MEPE: variants seen among roughly 807,000 people sequenced by gnomAD.
The protein encoded by MEPE is matrix, extracellular phosphoglycoprotein with ASARM motif (bone).
In MEPE, 7 loss-of-function variants were observed where a neutral mutation model predicts 7.3. The ratio of observed to expected loss-of-function variants is 0.95; its 90% CI spans 0.54 to 1.79. The LOEUF is 1.79. Ranked by LOEUF, MEPE falls within the 40% of genes most tolerant of loss-of-function variation. The pLI is 0.00. For missense variants in MEPE, 623 were observed against 628.2 expected, an observed-to-expected ratio of 0.99 and a Z score of 0.09; for synonymous variants, 214 against 213.1, an observed-to-expected ratio of 1.00 and a Z score of -0.04.
At position 87,845,982 on chromosome 4, in the gene MEPE, T is replaced by C. The variant is rs1723232426; in HGVS notation, c.1114T>C (p.Phe372Leu). The change falls in exon 4 of 4, where the codon TTT becomes CTT. Residue 372 changes from phenylalanine to leucine, a missense_variant. Coordinates refer to ENST00000361056, the MANE Select transcript of MEPE (RefSeq NM_020203.6). ...AAATGCTCACCAAGGGAAGGTTGAGTTTCATTACCCTCCTGCACCCTCAAA... is the reference window on the plus strand; with the variant it reads ...AAATGCTCACCAAGGGAAGGTTGAGCTTCATTACCCTCCTGCACCCTCAAA... Reference protein sequence around the residue: ...SQNAHQGKVEFHYPPAPSKEK... With the variant: ...SQNAHQGKVELHYPPAPSKEK... 1 of 1,613,568 alleles carries C rather than the reference T, an allele frequency of 6.2e-7. No individual in the cohort carries two copies. Among genetic ancestry groups the C allele is most frequent in the Non-Finnish European group, 8.5e-7 (1 of 1,179,888 alleles).
At chr4:87,832,845 A>G (rs188171884), upstream of MEPE, 1 of 151,818 alleles carries the variant, frequency 6.6e-6, no homozygotes, top group East Asian at 1.9e-4. Context: ...AAATTACTTC[A>G]CCCCCTATGG....
At chr4:87,824,350 GA>G (rs1013439415) in intron 1 of MEPE, among the ~76,000 whole-genome samples, 2 of 152,176 alleles carry the variant, frequency 1.3e-5, no homozygotes, top group African/African-American at 4.8e-5. Context: ...ACAGTATAGT[GA>G]AAAAGTTACC....
At chr4:87,826,581 T>A (rs1722476536) in intron 1 of MEPE, among the ~76,000 whole-genome samples, 1 of 152,138 alleles carries the variant, frequency 6.6e-6, no homozygotes, top group South Asian at 2.1e-4. Context: ...TCTTCCACAA[T>A]GGTTAACTAA....
At chr4:87,829,126 T>G (rs1221412054), upstream of MEPE, among the ~76,000 whole-genome samples, 3 of 152,150 alleles carry the variant, frequency 2.0e-5, no homozygotes, top group Non-Finnish European at 4.4e-5. Flanking sequence ...AAATCTCTAC[T>G]GCATGGAACT....
In MEPE at chr4:87,836,304, G is replaced by A. The variant is rs188987638; in HGVS notation, c.54+1536G>A. 1.1e-4 allele frequency among the ~76,000 whole-genome samples: 16 copies of A among 152,060 alleles called. No individual in the cohort carries two copies. In the East Asian group the frequency reaches 1.7e-3, roughly 17 times the overall value. On this transcript the variant is annotated intron_variant, in intron 2 of 3. Transcript: ENST00000361056. The stretch of plus-strand genomic sequence containing the variant: ...GAATGTTTATTAGGCTATGCAATTC[G>A]GTTAATATTCATCAAGATGCAGTTA...
rs1312902806 is a variant in MEPE at position 87,845,695 on chromosome 4, T to C, written c.827T>C (p.Leu276Pro). ...AAAGGAGAAGCTACTGGTCCTGACC[T>C]AGAAGGCAAAGATATTCAAACAGGG... is the stretch of plus-strand genomic sequence containing the variant. Reference protein sequence around the residue: ...PGKGEATGPDLEGKDIQTGFA... With the variant: ...PGKGEATGPDPEGKDIQTGFA... Residue 276 changes from leucine to proline, a missense_variant, in exon 4 of 4, where the codon CTA (leucine) becomes CCA (proline). By Grantham distance (98) the Leu-to-Pro change is moderately conservative (BLOSUM62 -3). Coordinates refer to ENST00000361056, the MANE Select transcript of MEPE (RefSeq NM_020203.6). 9 of 1,613,668 alleles carry C rather than the reference T, an allele frequency of 5.6e-6. No homozygotes were observed. The Admixed American group carries it at 1.5e-4, about 27-fold the overall frequency.
At chr4:87,841,309 A>C (rs1305176061) in intron 3 of MEPE, among the ~76,000 whole-genome samples, 1 of 152,226 alleles carries the variant, frequency 6.6e-6, no homozygotes, top group Non-Finnish European at 1.5e-5. Flanking sequence ...TAAATGTCCA[A>C]GTAAAACTTT....
upstream of MEPE, among the ~76,000 whole-genome samples, chr4:87,830,824 A>T (rs55752607): frequency 1.1e-4 from 8 of 75,722 alleles, no homozygotes; most frequent in Admixed American, 2.7e-4. Context: ...TAGATATGAT[A>T]AAAAAAAAAA....
intron 1 of MEPE, among the ~76,000 whole-genome samples, chr4:87,827,466 C>T (rs887336861): frequency 4.6e-5 from 7 of 152,128 alleles, no homozygotes; most frequent in Non-Finnish European, 5.9e-5. Context: ...AATACATGTT[C>T]GATACAATGA....
At chr4:87,828,494 T>C (rs1722525766), upstream of MEPE, among the ~76,000 whole-genome samples, 1 of 151,958 alleles carries the variant, frequency 6.6e-6, no homozygotes, top group Non-Finnish European at 1.5e-5. Flanking sequence ...CCTAGAATAC[T>C]AAGTTTAAAA....
chr4:87,829,959 A>G (rs979803443), upstream of MEPE, among the ~76,000 whole-genome samples: 65 of 151,348 alleles, frequency 4.3e-4, no homozygotes, highest in African/African-American at 1.3e-3. Context: ...AGAAAAGTTC[A>G]AATTAGTTGT....
At chr4:87,835,001 A>G (rs1331429204) in intron 2 of MEPE, among the ~76,000 whole-genome samples, 1 of 152,196 alleles carries the variant, frequency 6.6e-6, no homozygotes, top group Non-Finnish European at 1.5e-5. Context: ...AACACCAAAA[A>G]CAGATTTTTT....
At position 87,838,682 on chromosome 4, in the gene MEPE, GA is replaced by G. The variant is rs1722892720; in HGVS notation, c.106del (p.Arg36GlyfsTer19). On this transcript the variant is annotated frameshift_variant and splice_region_variant, in exon 3 of 4. Transcript: ENST00000361056. LOFTEE classifies it low-confidence loss of function (END_TRUNC). ...CTAAGCAAAGCTGTGTGGAAGAGCA[GA>G]GGGTAAACAGAATTCATCTTTTCAA... ...KTKQSCVEEQRQEEKNKDNIG... is the reference protein window; with the variant it reads ...KTKQSCVEEQXQEEKNKDNIG... The G allele has an allele frequency of 6.2e-7, 1 of 1,612,824 alleles. No homozygotes were observed. Among genetic ancestry groups the G allele is most frequent in the African/African-American group, 1.3e-5 (1 of 74,898 alleles).
At chr4:87,826,388 TTTTG>T (rs1357285191) in intron 1 of MEPE, among the ~76,000 whole-genome samples, 1 of 151,742 alleles carries the variant, frequency 6.6e-6, no homozygotes, top group South Asian at 2.1e-4. Context: ...CAGTTTTTTT[TTTTG>T]TTTTTGTTTT....
chr4:87,833,090 C>T (rs1172696219), intron 1 of MEPE, 76 bp downstream of exon 1: 2 of 152,124 alleles, frequency 1.3e-5, no homozygotes, highest in Non-Finnish European at 1.5e-5. Context: ...TGCTTGCCAC[C>T]CAAGTATGGT....
chr4:87,824,936 C>T (rs557231673), intron 1 of MEPE, among the ~76,000 whole-genome samples: 4 of 152,272 alleles, frequency 2.6e-5, no homozygotes, highest in South Asian at 2.1e-4. Context: ...CAGGCTCGAC[C>T]TCCCAGGCTC....
intron 1 of MEPE, among the ~76,000 whole-genome samples, chr4:87,822,394 G>A (rs769659848): frequency 5.3e-5 from 8 of 152,090 alleles, no homozygotes; most frequent in Non-Finnish European, 1.2e-4. Context: ...AACCCGTCAA[G>A]CAATTAAGTG....
upstream of MEPE, among the ~76,000 whole-genome samples, chr4:87,829,179 C>A (rs1472267756): frequency 2.0e-5 from 3 of 152,032 alleles, no homozygotes; most frequent in African/African-American, 7.2e-5. Context: ...CCCAGAATTT[C>A]TTCTCTGCAA....
chr4:87,833,913 T>A (rs1722680055), intron 1 of MEPE, among the ~76,000 whole-genome samples: 1 of 152,054 alleles, frequency 6.6e-6, no homozygotes, highest in South Asian at 2.1e-4. Flanking sequence ...TGGCAGAGAG[T>A]CTTGATGAAG....
Sources: gnomAD v4.1 joint callset for allele counts (sites outside exome capture counted in the v4.1 genomes callset) on GRCh38, gnomAD v4.1.1 for gene constraint, MANE v1.5 for transcripts, NCBI Gene and HGNC (gene_info 2026-07-23, HGNC 2026-07-21) for gene names.